Variants in PPARA observed in about 807,000 individuals in gnomAD.
The protein encoded by PPARA is peroxisome proliferator-activated receptor alpha.
Under a neutral mutation model 42.2 loss-of-function variants are expected in PPARA, and 22 were observed. The ratio of observed to expected loss-of-function variants is 0.52; its 90% confidence interval spans 0.37 to 0.74. The LOEUF is 0.74. Among genes scored for constraint, PPARA ranks in the 30% least tolerant of loss-of-function variants. PPARA has a pLI of 0.00. For synonymous variants in PPARA, 242 were observed against 239.3 expected, an observed-to-expected ratio of 1.01 and a Z score of -0.10; for missense variants, 465 against 608.2, an observed-to-expected ratio of 0.76 and a Z score of 2.48.
rs1926145075 is a variant in PPARA, at chr22:46,161,396, G to A, written c.-127+9426G>A. On this transcript the variant is annotated intron_variant, in intron 2 of 8. Coordinates refer to ENST00000407236, the MANE Select transcript of PPARA (RefSeq NM_005036.6). The surrounding 1 kb of genome is among the most constrained non-coding windows in gnomAD (Gnocchi z 4.8). ...TCACGAGGTCAAGAGATCGAGACCA[G>A]CCTGGCCAACATGGTGAAACCCCGT... 6.6e-6 allele frequency among the ~76,000 whole-genome samples: 1 copy of A among 152,088 alleles called. No homozygotes were observed. The highest frequency in any genetic ancestry group is 1.5e-5 in the Non-Finnish European group (1 of 68,014).
chr22:46,189,179 C>T (rs990225032), intron 3 of PPARA, among the ~76,000 whole-genome samples: 7 of 152,246 alleles, frequency 4.6e-5, no homozygotes, highest in African/African-American at 1.7e-4. Flanking sequence ...TCCAAACTTG[C>T]AGCTTTTCTT....
At chr22:46,177,141 G>A (rs1260520603) in intron 3 of PPARA, among the ~76,000 whole-genome samples, 1 of 152,106 alleles carries the variant, frequency 6.6e-6, no homozygotes, top group Non-Finnish European at 1.5e-5. Context: ...AACACAGGAG[G>A]CAGAGCTTGC....
chr22:46,166,190 C>T (rs1405128144), intron 2 of PPARA, among the ~76,000 whole-genome samples: 1 of 152,156 alleles, frequency 6.6e-6, no homozygotes, highest in African/African-American at 2.4e-5. Flanking sequence ...TGGCCAATTG[C>T]GTCACTTCTC....
At position 46,234,975 on chromosome 22, in the gene PPARA, C is replaced by T. The variant is rs574723156; in HGVS notation, c.1160-158C>T. 2.0e-5 allele frequency among the ~76,000 whole-genome samples: 3 copies of T among 152,268 alleles called. No individual in the cohort carries two copies. In the East Asian group the frequency reaches 5.8e-4, roughly 29 times the overall value. On this transcript the variant is annotated intron_variant, in intron 8 of 8. Coordinates refer to ENST00000407236, the MANE Select transcript of PPARA (RefSeq NM_005036.6). This position sits in a 1 kb window ranked among gnomAD's most constrained non-coding sequence, Gnocchi z 5.8. ...ACTTCACCTATTGACTTTGGAAAAA[C>T]CTATGTCTATCTTCCAGTCAAGTTG...
intron 4 of PPARA, among the ~76,000 whole-genome samples, chr22:46,199,316 G>A (rs1569220362): frequency 6.6e-6 from 1 of 152,130 alleles, no homozygotes. Flanking sequence ...TTATACAGTG[G>A]TATATACTTC....
chr22:46,220,176 G>A (rs1235012092), intron 7 of PPARA, 162 bp downstream of exon 7: 2 of 864,580 alleles, frequency 2.3e-6, no homozygotes, highest in East Asian at 2.7e-5. Context: ...ACTCTGAGCT[G>A]TAGCTTAACA....
intron 4 of PPARA, among the ~76,000 whole-genome samples, chr22:46,214,191 G>A (rs1277096399): frequency 1.3e-5 from 2 of 152,240 alleles, no homozygotes; most frequent in Admixed American, 6.5e-5. Flanking sequence ...CACTGTCAGT[G>A]CGGGGGCATG....
At chr22:46,152,929 T>C (rs570270339) in intron 2 of PPARA, among the ~76,000 whole-genome samples, 1 of 152,052 alleles carries the variant, frequency 6.6e-6, no homozygotes, top group African/African-American at 2.4e-5. Context: ...TACAAAAAAA[T>C]AGAAATATTG....
chr22:46,176,378 T>C (rs1929061101), intron 2 of PPARA, among the ~76,000 whole-genome samples: 1 of 151,850 alleles, frequency 6.6e-6, no homozygotes, highest in Admixed American at 6.6e-5. Context: ...CCCAGCTACT[T>C]TGGAGGCTGA....
At position 46,235,456 on chromosome 22, in the gene PPARA, C is replaced by T. The variant is rs1936159663; in HGVS notation, c.*76C>T. On this transcript the variant is annotated 3_prime_UTR_variant, in exon 9 of 9. Transcript: ENST00000407236. This position sits in a 1 kb window ranked among gnomAD's most constrained non-coding sequence, Gnocchi z 7.0. ...CTACAAAGGAGACGGGGGAGCAGCA[C>T]GATTTTGCACAAATATCCACCACTT... 5.1e-6 allele frequency: 8 copies of T among 1,562,128 alleles called. No individual in the cohort carries two copies. The highest frequency in any genetic ancestry group is 3.5e-5 in the South Asian group (3 of 85,912).
rs1170333848 is a variant in PPARA, at chr22:46,207,685, T to A, written c.209-7488T>A. Among the ~76,000 whole-genome samples the A allele has an allele frequency of 7.8e-4, 91 of 117,086 alleles. 1 individual carries two copies. Among genetic ancestry groups the A allele is most frequent in the African/African-American group, 3.3e-3 (80 of 23,882 alleles). The allele number at this position is 117,086 out of a possible 152,430, so 76.8% of individuals were successfully genotyped here. ...TTATTATTATTATTATTATTTTTTT[T>A]TTTTTTTTTTTTTTTAGAGACAGGG... On this transcript the variant is annotated intron_variant, in intron 4 of 8. Coordinates refer to ENST00000407236, the MANE Select transcript of PPARA (RefSeq NM_005036.6).
rs968351221 is a variant in PPARA, at chr22:46,234,718, G to A, written c.1160-415G>A. ...ACTCCTTAAATATGGTGGAACACTT[G>A]AAGCTTGATATCTAGTTTGGATTCA... On this transcript the variant is annotated intron_variant, in intron 8 of 8. Transcript: ENST00000407236. The surrounding 1 kb of genome is among the most constrained non-coding windows in gnomAD (Gnocchi z 5.8). Among the ~76,000 whole-genome samples the A allele has an allele frequency of 2.0e-5, 3 of 152,184 alleles. No individual in the cohort carries two copies. The highest frequency in any genetic ancestry group is 2.9e-5 in the Non-Finnish European group (2 of 68,036).
intron 2 of PPARA, among the ~76,000 whole-genome samples, chr22:46,168,985 G>C (rs1392982403): frequency 3.3e-5 from 5 of 151,886 alleles, no homozygotes; most frequent in African/African-American, 1.2e-4. Flanking sequence ...GCAAAACTAT[G>C]AAGACAGTAA....
chr22:46,169,593 C>T (rs910243516), intron 2 of PPARA, among the ~76,000 whole-genome samples: 133 of 152,000 alleles, frequency 8.8e-4, no homozygotes, highest in African/African-American at 2.8e-3. Flanking sequence ...TATATGAGAC[C>T]TCTCTGTACT....
At chr22:46,154,487 G>A (rs961059810) in intron 2 of PPARA, among the ~76,000 whole-genome samples, 3 of 152,048 alleles carry the variant, frequency 2.0e-5, no homozygotes, top group Non-Finnish European at 4.4e-5. Context: ...GTATAGTGGC[G>A]TGTGCCTGTG....
In PPARA at chr22:46,195,597, A is replaced by C. The variant is rs1285030304; in HGVS notation, c.-42-2745A>C. Among the ~76,000 whole-genome samples the C allele has an allele frequency of 6.6e-6, 1 of 152,256 alleles. No individual in the cohort carries two copies. On this transcript the variant is annotated intron_variant, in intron 3 of 8. Transcript: ENST00000407236. The surrounding 1 kb of genome is among the most constrained non-coding windows in gnomAD (Gnocchi z 4.6). ...TGTATCTATTTTTCATTGGTAGAAGAAGCCAAAACATCCCTTCCTCACCGC... is the reference window on the plus strand; with the variant it reads ...TGTATCTATTTTTCATTGGTAGAAGCAGCCAAAACATCCCTTCCTCACCGC...
In PPARA at chr22:46,164,254, A is replaced by AT. The variant is rs1569187038; in HGVS notation, c.-127+12284_-127+12285insT. ...TATTAAGATATAATTTACATACAGT[A>AT]ATTTTTTTTTTTTTTGAGACAGAGT... On this transcript the variant is annotated intron_variant, in intron 2 of 8. Transcript: ENST00000407236. The AT allele has an allele frequency of 2.1e-3, 291 of 136,956 alleles. 1 individual carries two copies. The highest frequency in any genetic ancestry group is 8.5e-3 in the African/African-American group (280 of 32,912). The allele number at this position is 136,956 out of a possible 1,614,324, so 8.5% of individuals were successfully genotyped here.
In PPARA at chr22:46,218,449, C is replaced by T. The variant is rs1264843241; in HGVS notation, c.508+48C>T. On this transcript the variant is annotated intron_variant, in intron 6 of 8. Coordinates refer to ENST00000407236, the MANE Select transcript of PPARA (RefSeq NM_005036.6). ...TTTTCCCAGTTCGTTCCTCAGTTCC[C>T]CTTCCTTGCTCCAAGGGAACAGATC... 4.3e-6 allele frequency: 7 copies of T among 1,611,712 alleles called. No individual in the cohort carries two copies. The Admixed American group carries it at 6.7e-5, about 15-fold the overall frequency.
Position 46,205,367 on chromosome 22 carries a change from C to T in PPARA, c.208+6776C>T, listed in dbSNP as rs1042298580. On this transcript the variant is annotated intron_variant, in intron 4 of 8. Coordinates refer to ENST00000407236, the MANE Select transcript of PPARA (RefSeq NM_005036.6). The stretch of plus-strand genomic sequence containing the variant: ...AAGTAGCTGAGACTACAGGTACCTG[C>T]CACCATGCCCGGGTAAGTTTTTTGT... Among the ~76,000 whole-genome samples, 6 of 150,208 alleles carry T rather than the reference C, an allele frequency of 4.0e-5. No individual in the cohort carries two copies. The South Asian group carries it at 1.3e-3, about 32-fold the overall frequency.
Sources: allele counts gnomAD v4.1 joint callset (sites outside exome capture counted in the v4.1 genomes callset), GRCh38; gene constraint gnomAD v4.1.1; non-coding constraint Gnocchi (gnomAD v3.1); transcripts MANE v1.5; gene names NCBI Gene and HGNC (gene_info 2026-07-23, HGNC 2026-07-21).